The following DLGAP2 variants were observed in gnomAD, a reference collection of about 807,000 sequenced individuals.
DLGAP2 encodes DLG associated protein 2.
DLGAP2 carries 26 observed loss-of-function variants against 100.3 expected under a neutral mutation model. That is an observed-to-expected ratio of 0.26 (90% CI 0.19 to 0.36). DLGAP2 has a LOEUF of 0.36. Ranked by LOEUF, DLGAP2 falls within the 10% of genes least tolerant of loss-of-function variation. The pLI is 1.00. For synonymous variants in DLGAP2, 886 were observed against 630.1 expected, an observed-to-expected ratio of 1.41 and a Z score of -6.08; for missense variants, 1,858 against 1,453.2, an observed-to-expected ratio of 1.28 and a Z score of -4.53.
chr8:752,194 G>T (rs1321461554), intron 1 of DLGAP2, among the ~76,000 whole-genome samples: 1 of 152,182 alleles, frequency 6.6e-6, no homozygotes, highest in Non-Finnish European at 1.5e-5. Context: ...TTTCCTCACT[G>T]TGAGGTCAGT....
chr8:1,022,197 C>T (rs1042343929), intron 2 of DLGAP2, among the ~76,000 whole-genome samples: 5 of 151,864 alleles, frequency 3.3e-5, no homozygotes, highest in Non-Finnish European at 4.4e-5. Context: ...CTCCAAACAC[C>T]ACCCACCCTC....
intron 3 of DLGAP2, among the ~76,000 whole-genome samples, chr8:1,324,932 G>C (rs1400177390): frequency 1.3e-5 from 2 of 152,198 alleles, no homozygotes; most frequent in Non-Finnish European, 2.9e-5. Flanking sequence ...TGACCTGCTT[G>C]GCTCAGCCTT....
At chr8:1,430,045 A>ATATAT (rs1797380927) in intron 3 of DLGAP2, among the ~76,000 whole-genome samples, 1 of 37,366 alleles carries the variant, frequency 2.7e-5, no homozygotes, top group African/African-American at 6.4e-5. Context: ...CACACATATG[A>ATATAT]ACTTAGAATT....
chr8:1,143,974 G>A (rs1796564131), intron 2 of DLGAP2, among the ~76,000 whole-genome samples: 1 of 152,190 alleles, frequency 6.6e-6, no homozygotes, highest in Non-Finnish European at 1.5e-5. Flanking sequence ...AAGATAATTA[G>A]GAGGAATTTT....
chr8:916,812 C>T (rs1026334900), intron 2 of DLGAP2, among the ~76,000 whole-genome samples: 4 of 152,214 alleles, frequency 2.6e-5, no homozygotes, highest in East Asian at 1.9e-4. Context: ...GATCAAGCAG[C>T]CGGATCGTGC....
intron 2 of DLGAP2, among the ~76,000 whole-genome samples, chr8:1,190,206 C>G (rs1464655891): frequency 6.6e-6 from 1 of 152,194 alleles, no homozygotes; most frequent in Non-Finnish European, 1.5e-5. Flanking sequence ...CAGACCCAGA[C>G]CTCTTCCAGA....
chr8:822,184 G>A (rs1229929127), intron 1 of DLGAP2: 2 of 399,548 alleles, frequency 5.0e-6, no homozygotes, highest in East Asian at 7.1e-5. Flanking sequence ...CCACAATGGG[G>A]ACTGCTCAGG....
intron 2 of DLGAP2, among the ~76,000 whole-genome samples, chr8:1,111,260 G>A (rs182111775): frequency 7.9e-5 from 12 of 152,280 alleles, no homozygotes; most frequent in Admixed American, 6.5e-4. Context: ...CAGAGTGATG[G>A]CAGAAATCGT....
intron 2 of DLGAP2, among the ~76,000 whole-genome samples, chr8:1,025,094 G>A (rs1357981921): frequency 6.6e-6 from 1 of 151,838 alleles, no homozygotes; most frequent in Non-Finnish European, 1.5e-5. Flanking sequence ...GCGCGTGTAT[G>A]TGTGTGCGTG....
In DLGAP2 at chr8:833,965, G is replaced by T. The variant is rs184764830; in HGVS notation, c.19-73947G>T. The stretch of plus-strand genomic sequence containing the variant: ...TGGCTCCTCAGTGGGACGAGAATTC[G>T]TGCCTTTTCATTGGTGCAGTGGGCT... On this transcript the variant is annotated intron_variant, in intron 1 of 14. Coordinates refer to ENST00000637795, the MANE Select transcript of DLGAP2 (RefSeq NM_001346810.2). Among the ~76,000 whole-genome samples, 599 of 152,254 alleles carry T rather than the reference G, an allele frequency of 3.9e-3. 9 individuals carry two copies. The highest frequency in any genetic ancestry group is 2.7e-3 in the Non-Finnish European group (187 of 68,016).
intron 2 of DLGAP2, among the ~76,000 whole-genome samples, chr8:1,146,339 G>C (rs183756963): frequency 1.2e-4 from 18 of 152,280 alleles, no homozygotes; most frequent in Admixed American, 4.6e-4. Flanking sequence ...CTGTCTTTAC[G>C]GATTCCAGAT....
intron 2 of DLGAP2, among the ~76,000 whole-genome samples, chr8:1,198,328 T>A (rs755142795): frequency 6.6e-6 from 1 of 152,130 alleles, no homozygotes; most frequent in Non-Finnish European, 1.5e-5. Flanking sequence ...CCCTATTGTT[T>A]TGAAATGACA....
intron 1 of DLGAP2, among the ~76,000 whole-genome samples, chr8:853,488 C>T (rs1246219928): frequency 1.3e-5 from 2 of 152,148 alleles, no homozygotes; most frequent in Non-Finnish European, 2.9e-5. Context: ...TACAGGATGC[C>T]CCTCATCAGT....
intron 4 of DLGAP2, among the ~76,000 whole-genome samples, chr8:1,505,293 A>G (rs896107657): frequency 6.6e-6 from 1 of 152,232 alleles, no homozygotes; most frequent in Non-Finnish European, 1.5e-5. Flanking sequence ...ATCATTTCCA[A>G]AATGCTGTGG....
At chr8:1,365,963 C>T (rs1020630298) in intron 3 of DLGAP2, among the ~76,000 whole-genome samples, 1 of 152,222 alleles carries the variant, frequency 6.6e-6, no homozygotes, top group Admixed American at 6.5e-5. Context: ...GGAGAAATTG[C>T]TCAGATGTCC....
chr8:947,661 C>G (rs1243569886), intron 2 of DLGAP2, among the ~76,000 whole-genome samples: 1 of 152,162 alleles, frequency 6.6e-6, no homozygotes, highest in Non-Finnish European at 1.5e-5. Flanking sequence ...CTGCTCTTGG[C>G]CGGGCCATCC....
At chr8:765,913 A>G (rs1299671880) in intron 1 of DLGAP2, among the ~76,000 whole-genome samples, 1 of 152,182 alleles carries the variant, frequency 6.6e-6, no homozygotes, top group Non-Finnish European at 1.5e-5. Flanking sequence ...TCACGCCTGT[A>G]ATCCCAGTAC....
chr8:1,545,491 G>T (rs1468804358), intron 4 of DLGAP2, among the ~76,000 whole-genome samples: 12 of 152,172 alleles, frequency 7.9e-5, no homozygotes, highest in African/African-American at 2.9e-4. Context: ...ATGGTGTCAT[G>T]AAGCAGTGGA....
intron 12 of DLGAP2, among the ~76,000 whole-genome samples, chr8:1,691,085 T>C (rs1563065631): frequency 6.6e-6 from 1 of 152,132 alleles, no homozygotes; most frequent in Non-Finnish European, 1.5e-5. Flanking sequence ...AGAGAACCCA[T>C]ATGGATGTGT....
Sources: allele counts gnomAD v4.1 joint callset (sites outside exome capture counted in the v4.1 genomes callset), GRCh38; gene constraint gnomAD v4.1.1; transcripts MANE v1.5; gene names NCBI Gene and HGNC (gene_info 2026-07-23, HGNC 2026-07-21).